The following VEGFD variants were observed in gnomAD, a reference collection of about 807,000 sequenced individuals.
VEGFD encodes the protein c-fos induced growth factor (vascular endothelial growth factor D).
VEGFD carries 26 observed loss-of-function variants against 28.0 expected under a neutral mutation model. That is an observed-to-expected ratio of 0.93 (90% CI 0.68 to 1.29). The LOEUF (loss-of-function observed/expected upper bound fraction) is 1.29. VEGFD is among the 50% of genes most tolerant of loss of function. The pLI is 0.00. For missense variants in VEGFD, 294 were observed against 273.4 expected (o/e 1.08, Z -0.53); for synonymous variants, 93 against 95.5 (o/e 0.97, Z 0.15).
intron 6 of VEGFD, 78 bp downstream of exon 6, chrX:15,347,086 A>G: frequency 2.1e-6 from 2 of 972,891 alleles, no homozygotes; most frequent in Non-Finnish European, 2.8e-6. Context: ...AAATTAGCTT[A>G]CTAAGGAATC....
At chrX:15,382,088 A>C (rs923725811) in intron 1 of VEGFD, among the ~76,000 whole-genome samples, 2 of 111,678 alleles carry the variant, frequency 1.8e-5, no homozygotes, top group African/African-American at 6.5e-5. Flanking sequence ...TGGGAGGCCA[A>C]GGCGGGCAGA....
At chrX:15,367,655 A>G (rs1393322659) in intron 1 of VEGFD, among the ~76,000 whole-genome samples, 1 of 111,176 alleles carries the variant, frequency 9.0e-6, no homozygotes, top group Admixed American at 9.7e-5. Flanking sequence ...ATTTCACTCA[A>G]TATTATCCAA....
At position 15,384,169 on chromosome X, in the gene VEGFD, T is replaced by C; in HGVS notation, c.-223A>G. 3.4e-6 allele frequency: 1 copy of C among 296,169 alleles called. No homozygotes were observed. Among genetic ancestry groups the C allele is most frequent in the South Asian group, 8.2e-5 (1 of 12,155 alleles). 24.4% of individuals were successfully genotyped at this position (296,169 alleles called of 1,213,427 possible). ...GGTGGGGAGAGAGAGATGAAAAAAATCAAAATGTTCTCCAAAAATAATCAG... is the reference window on the plus strand; with the variant it reads ...GGTGGGGAGAGAGAGATGAAAAAAACCAAAATGTTCTCCAAAAATAATCAG... On this transcript the variant is annotated 5_prime_UTR_variant, in exon 1 of 7. Transcript: ENST00000297904.
intron 5 of VEGFD, among the ~76,000 whole-genome samples, chrX:15,350,745 C>T (rs1267885392): frequency 1.8e-5 from 2 of 109,161 alleles, no homozygotes; most frequent in Non-Finnish European, 3.8e-5. Flanking sequence ...ATCCTTCCTT[C>T]CTTCCTTTCT....
rs1482581706 is a variant in VEGFD, at chrX:15,384,161, G to GA, written c.-216dup. The stretch of plus-strand genomic sequence containing the variant: ...ATCTTAGGGGTGGGGAGAGAGAGAT[G>GA]AAAAAAATCAAAATGTTCTCCAAAA... On this transcript the variant is annotated 5_prime_UTR_variant, in exon 1 of 7. Transcript: ENST00000297904. 3 of 299,546 alleles carry GA rather than the reference G, an allele frequency of 1.0e-5. No individual in the cohort carries two copies. Among genetic ancestry groups the GA allele is most frequent in the East Asian group, 1.1e-4 (2 of 18,717 alleles). The allele number at this position is 299,546 out of a possible 1,213,427, so 24.7% of individuals were successfully genotyped here.
chrX:15,362,609 G>A (rs1923043937), intron 2 of VEGFD, among the ~76,000 whole-genome samples: 1 of 110,673 alleles, frequency 9.0e-6, no homozygotes, highest in African/African-American at 3.3e-5. Flanking sequence ...TGTAGAGATG[G>A]GGTCTCGTCA....
intron 1 of VEGFD, among the ~76,000 whole-genome samples, chrX:15,382,873 TC>T (rs1401220700): frequency 1.8e-5 from 2 of 111,507 alleles, no homozygotes; most frequent in Admixed American, 9.5e-5. Context: ...GAAGACACTT[TC>T]CCCCTATGCA....
intron 5 of VEGFD, 32 bp from the exon 6 acceptor site, chrX:15,347,391 A>T (rs949834189): frequency 7.2e-6 from 8 of 1,103,558 alleles, no homozygotes; most frequent in Non-Finnish European, 9.7e-6. Context: ...TTGGTCAGAT[A>T]GTTGTAGTGT....
At chrX:15,368,035 G>GAAGAAAGA (rs200277470) in intron 1 of VEGFD, among the ~76,000 whole-genome samples, 1 of 37,432 alleles carries the variant, frequency 2.7e-5, no homozygotes, top group African/African-American at 1.1e-4. Context: ...AGAAAGGAAA[G>GAAGAAAGA]AAGAAAGAAA....
At chrX:15,351,063 T>TAG (rs1922703818) in intron 5 of VEGFD, among the ~76,000 whole-genome samples, 1 of 84,440 alleles carries the variant, frequency 1.2e-5, no homozygotes, top group Non-Finnish European at 2.2e-5. Flanking sequence ...TTTTTTTTTT[T>TAG]TAGTAGTAGT....
intron 1 of VEGFD, among the ~76,000 whole-genome samples, chrX:15,367,973 A>G (rs1424369638): frequency 1.2e-5 from 1 of 81,556 alleles, no homozygotes; most frequent in African/African-American, 5.2e-5. Flanking sequence ...AAAGAAAGAA[A>G]GAAAGAAAAA....
intron 2 of VEGFD, among the ~76,000 whole-genome samples, chrX:15,359,255 A>G (rs1429618288): frequency 1.8e-5 from 2 of 110,179 alleles, no homozygotes; most frequent in Admixed American, 2.0e-4. Flanking sequence ...GAAGTTAAAA[A>G]AGATTGCAGT....
At chrX:15,349,945 T>C (rs1485242125) in intron 5 of VEGFD, among the ~76,000 whole-genome samples, 2 of 111,776 alleles carry the variant, frequency 1.8e-5, no homozygotes, top group Non-Finnish European at 3.8e-5. Flanking sequence ...CAGTCCACCC[T>C]GCGCCTCTCA....
intron 2 of VEGFD, among the ~76,000 whole-genome samples, chrX:15,360,341 C>CTT (rs766015755): frequency 2.3e-4 from 22 of 96,802 alleles, no homozygotes; most frequent in Non-Finnish European, 3.3e-4. Flanking sequence ...TCCTGAGAAA[C>CTT]TTTTTTTTTT....
In VEGFD at chrX:15,347,152, C is replaced by T. The variant is rs750707563; in HGVS notation, c.938+12G>A. 49 of 1,197,700 alleles carry T rather than the reference C, an allele frequency of 4.1e-5. No homozygotes were observed. The South Asian group carries it at 8.6e-4, about 21-fold the overall frequency. ...TGTCATGAGTAAAGGCAAGACAACTCAAGGCATTTACCTGCAGGTGTCTGG... is the reference window on the plus strand; with the variant it reads ...TGTCATGAGTAAAGGCAAGACAACTTAAGGCATTTACCTGCAGGTGTCTGG... On this transcript the variant is annotated intron_variant, in intron 6 of 6. Coordinates refer to ENST00000297904, the MANE Select transcript of VEGFD (RefSeq NM_004469.5).
intron 1 of VEGFD, among the ~76,000 whole-genome samples, chrX:15,372,451 T>A (rs932147960): frequency 2.7e-5 from 3 of 109,677 alleles, no homozygotes; most frequent in Admixed American, 9.8e-5. Flanking sequence ...AAAAAAAAAA[T>A]AATAAAGCAG....
At chrX:15,351,344 C>T (rs1392324312) in intron 5 of VEGFD, among the ~76,000 whole-genome samples, 15 of 106,999 alleles carry the variant, frequency 1.4e-4, no homozygotes, top group Non-Finnish European at 2.5e-4. Flanking sequence ...TGGTCTCAAT[C>T]TCCTGACCTC....
intron 1 of VEGFD, among the ~76,000 whole-genome samples, chrX:15,363,757 G>A (rs558338104): frequency 1.8e-5 from 2 of 112,397 alleles, no homozygotes; most frequent in African/African-American, 3.2e-5. Flanking sequence ...ATAAGAGACA[G>A]AAGAGAAGAC....
intron 1 of VEGFD, among the ~76,000 whole-genome samples, chrX:15,380,876 C>T (rs768085935): frequency 6.2e-5 from 7 of 112,354 alleles, no homozygotes; most frequent in African/African-American, 2.3e-4. Context: ...CAGTGCACAT[C>T]GTGTACAACT....
Sources: allele counts gnomAD v4.1 joint callset (sites outside exome capture counted in the v4.1 genomes callset), GRCh38; gene constraint gnomAD v4.1.1; transcripts MANE v1.5; gene names NCBI Gene and HGNC (gene_info 2026-07-23, HGNC 2026-07-21).